The following ARID5B variants were observed in gnomAD, a reference collection of about 807,000 sequenced individuals.
ARID5B encodes AT-rich interactive domain-containing protein 5B.
ARID5B carries 13 observed loss-of-function variants against 97.2 expected under a neutral mutation model. That is an observed-to-expected ratio of 0.13 (90% CI 0.09 to 0.21). ARID5B has a LOEUF of 0.21. ARID5B is among the 10% of genes least tolerant of loss of function. The pLI is 1.00. For missense variants in ARID5B, 1,210 were observed against 1,465.3 expected (o/e 0.83, Z 2.84); for synonymous variants, 556 against 570.3 (o/e 0.97, Z 0.36).
At chr10:62,034,847 C>T (rs1419220358) in intron 4 of ARID5B, among the ~76,000 whole-genome samples, 1 of 152,186 alleles carries the variant, frequency 6.6e-6, no homozygotes, top group Non-Finnish European at 1.5e-5. Flanking sequence ...TTTTTTTAGG[C>T]AGCTCTGCAG....
chr10:62,080,125 C>A (rs980218451), intron 8 of ARID5B, among the ~76,000 whole-genome samples: 1 of 152,168 alleles, frequency 6.6e-6, no homozygotes, highest in Non-Finnish European at 1.5e-5. Context: ...TTCATGTCAG[C>A]GTGGCTTCTT....
intron 8 of ARID5B, among the ~76,000 whole-genome samples, chr10:62,081,165 CT>C (rs1405763738): frequency 6.6e-6 from 1 of 152,182 alleles, no homozygotes; most frequent in Non-Finnish European, 1.5e-5. Context: ...AGAAAATATT[CT>C]GCTCCAAGGA....
rs1272178692 is a variant in ARID5B at position 62,095,281 on chromosome 10, G to C, written c.*2251G>C. On this transcript the variant is annotated 3_prime_UTR_variant, in exon 10 of 10. Transcript: ENST00000279873. Reference sequence around the variant, plus strand: ...AGTTGCACTAGATTGAATGGTCACAGAATCGGAGGACATGGAAGAAAAAGG... The same window carrying C: ...AGTTGCACTAGATTGAATGGTCACACAATCGGAGGACATGGAAGAAAAAGG... 4.3e-6 allele frequency: 1 copy of C among 232,946 alleles called. No homozygotes were observed. Among genetic ancestry groups the C allele is most frequent in the East Asian group, 6.1e-5 (1 of 16,488 alleles). The allele number at this position is 232,946 out of a possible 1,614,324, so 14.4% of individuals were successfully genotyped here. A position where few individuals can be genotyped will look rare whatever the true frequency, so the allele number is the denominator to read the frequency against.
chr10:61,937,009 C>A (rs543877498), intron 2 of ARID5B, among the ~76,000 whole-genome samples: 10 of 152,300 alleles, frequency 6.6e-5, no homozygotes, highest in Admixed American at 5.9e-4. Flanking sequence ...AAACCTGGAT[C>A]TTTGTTCAAG....
intron 3 of ARID5B, among the ~76,000 whole-genome samples, chr10:61,996,624 T>A (rs1450903087): frequency 6.6e-6 from 1 of 152,196 alleles, no homozygotes; most frequent in East Asian, 1.9e-4. Context: ...AAAAGAGACG[T>A]GAAAACACTA....
In ARID5B at chr10:62,057,336, C is replaced by G; in HGVS notation, c.1048+18C>G. 6.2e-7 allele frequency: 1 copy of G among 1,604,636 alleles called. No individual in the cohort carries two copies. On this transcript the variant is annotated intron_variant, in intron 6 of 9. Coordinates refer to ENST00000279873, the MANE Select transcript of ARID5B (RefSeq NM_032199.3). ...TAAACAGAGTGAGTATACTTGTTTT[C>G]GTTTCTGAATTATCAGAGCTGCTCA...
intron 5 of ARID5B, among the ~76,000 whole-genome samples, chr10:62,056,722 T>C (rs917747645): frequency 6.6e-6 from 1 of 152,268 alleles, no homozygotes; most frequent in East Asian, 1.9e-4. Flanking sequence ...AACATACTTG[T>C]CAGGAGTCTA....
At chr10:62,080,869 C>T (rs1014388697) in intron 8 of ARID5B, among the ~76,000 whole-genome samples, 4 of 151,806 alleles carry the variant, frequency 2.6e-5, no homozygotes, top group African/African-American at 9.7e-5. Context: ...GTCACCCAGG[C>T]TGGAGTGCAG....
chr10:62,089,630 C>T (rs145331381), intron 9 of ARID5B, among the ~76,000 whole-genome samples: 8,722 of 150,996 alleles, frequency 0.058, 365 homozygotes, highest in Non-Finnish European at 0.09. Flanking sequence ...GGGGTTCAAG[C>T]GATTCTCCTG....
chr10:62,055,975 C>G (rs1839851450), intron 5 of ARID5B, among the ~76,000 whole-genome samples: 1 of 152,196 alleles, frequency 6.6e-6, no homozygotes, highest in South Asian at 2.1e-4. Flanking sequence ...CACTTGCCCT[C>G]TTCTCTCCCG....
At chr10:61,977,397 G>T (rs559897096) in intron 3 of ARID5B, among the ~76,000 whole-genome samples, 1 of 152,278 alleles carries the variant, frequency 6.6e-6, no homozygotes, top group Non-Finnish European at 1.5e-5. Context: ...TGGGTCAAAT[G>T]GTATTTCTAG....
chr10:62,046,532 T>C (rs1298678572), intron 4 of ARID5B: 1 of 152,188 alleles, frequency 6.6e-6, no homozygotes, highest in East Asian at 1.9e-4. Context: ...AAAACAAACA[T>C]GGGTTAGCTG....
intron 3 of ARID5B, among the ~76,000 whole-genome samples, chr10:61,947,256 ACTTTCTTTTTTTTT>A (rs911177441): frequency 1.6e-5 from 2 of 122,220 alleles, no homozygotes; most frequent in African/African-American, 6.3e-5. Context: ...CTTCTCACTT[ACTTTCTTTTTTTTT>A]TTTTTTTTTT....
chr10:61,935,326 G>A (rs746888871), intron 2 of ARID5B, among the ~76,000 whole-genome samples: 69 of 152,122 alleles, frequency 4.5e-4, no homozygotes, highest in African/African-American at 8.7e-4. Flanking sequence ...CAGTCAGTGC[G>A]TGGATAAACA....
chr10:61,950,104 T>G (rs533210526), intron 3 of ARID5B, among the ~76,000 whole-genome samples: 3 of 152,108 alleles, frequency 2.0e-5, no homozygotes, highest in Admixed American at 2.0e-4. Flanking sequence ...GCCTTCCGGG[T>G]TCAAGTGATT....
At chr10:62,045,513 C>T (rs1839695992) in intron 4 of ARID5B, among the ~76,000 whole-genome samples, 1 of 149,542 alleles carries the variant, frequency 6.7e-6, no homozygotes. Context: ...TGCAGTGGTG[C>T]GATCTTGGCT....
chr10:62,058,388 T>G (rs1839883131), intron 6 of ARID5B, among the ~76,000 whole-genome samples: 1 of 152,084 alleles, frequency 6.6e-6, no homozygotes, highest in South Asian at 2.1e-4. Flanking sequence ...TAAAAATCAT[T>G]TTATTCTTCA....
chr10:62,044,766 T>G (rs1265782071), intron 4 of ARID5B, among the ~76,000 whole-genome samples: 2 of 152,226 alleles, frequency 1.3e-5, no homozygotes, highest in Non-Finnish European at 2.9e-5. Flanking sequence ...TGTGTTTCCA[T>G]ATCTATTGTT....
At chr10:62,049,356 C>T in intron 4 of ARID5B, 3 of 1,540,798 alleles carry the variant, frequency 1.9e-6, no homozygotes, top group Non-Finnish European at 2.6e-6. Flanking sequence ...CCTCGCAGCT[C>T]GCATTCGGAG....
Sources: allele counts gnomAD v4.1 joint callset (sites outside exome capture counted in the v4.1 genomes callset), GRCh38; gene constraint gnomAD v4.1.1; transcripts MANE v1.5; gene names NCBI Gene and HGNC (gene_info 2026-07-23, HGNC 2026-07-21).